HERC2: variants seen among roughly 807,000 people sequenced by gnomAD.
HERC2 encodes the protein E3 ubiquitin-protein ligase HERC2.
Under a neutral mutation model 537.7 loss-of-function variants are expected in HERC2, and 102 were observed. The observed-to-expected ratio is 0.19, with a 90% confidence interval of 0.16 to 0.22. HERC2 has a LOEUF of 0.22. Ranked by LOEUF, HERC2 falls within the 10% of genes least tolerant of loss-of-function variation. The probability of loss-of-function intolerance (pLI) is 1.00; values close to 1 mark genes in which losing one functional copy is unlikely to be tolerated. For missense variants in HERC2, 4,236 were observed against 6,198.2 expected (o/e 0.68, Z 10.63); for synonymous variants, 2,224 against 2,466.2 (o/e 0.90, Z 2.91).
chr15:28,135,978 C>T (rs1890593705), intron 78 of HERC2, among the ~76,000 whole-genome samples: 2 of 152,040 alleles, frequency 1.3e-5, no homozygotes, highest in Admixed American at 1.3e-4. Context: ...ATACCAACTA[C>T]AATTAACACC....
intron 2 of HERC2, among the ~76,000 whole-genome samples, chr15:28,308,539 A>C (rs536668846): frequency 2.0e-5 from 3 of 152,222 alleles, no homozygotes; most frequent in South Asian, 2.1e-4. Context: ...GAGGCCTTTT[A>C]TTTCTTTCTC....
In HERC2 at chr15:28,219,831, CAT is replaced by C. The variant is rs368036371; in HGVS notation, c.5845+619_5845+620del. ...CCAAACCCAGCCATGTGAAGCTTCA[CAT>C]GTCTTTTAGGAACAGCTAAGAAATG... On this transcript the variant is annotated intron_variant, in intron 37 of 92. Coordinates refer to ENST00000261609, the MANE Select transcript of HERC2 (RefSeq NM_004667.6). 3.9e-3 allele frequency among the ~76,000 whole-genome samples: 601 copies of C among 152,336 alleles called. 6 individuals carry two copies. Among genetic ancestry groups the C allele is most frequent in the African/African-American group, 0.013 (537 of 41,568 alleles).
chr15:28,182,376 C>A (rs764470217), intron 57 of HERC2, 25 bp downstream of exon 57: 3 of 1,527,536 alleles, frequency 2.0e-6, no homozygotes, highest in Admixed American at 1.7e-5. Context: ...CCCCACCCTG[C>A]TGGGTCCCAG....
At chr15:28,133,824 A>G (rs185515154) in intron 79 of HERC2, among the ~76,000 whole-genome samples, 1 of 152,244 alleles carries the variant, frequency 6.6e-6, no homozygotes, top group Admixed American at 6.5e-5. Flanking sequence ...TGGATTCCCT[A>G]TTCTGCTCCA....
At chr15:28,175,913 AC>A (rs1895245068) in intron 63 of HERC2, among the ~76,000 whole-genome samples, 2 of 152,178 alleles carry the variant, frequency 1.3e-5, no homozygotes, top group Non-Finnish European at 2.9e-5. Flanking sequence ...ATATAAAGAG[AC>A]TGAAAATAAG....
chr15:28,132,181 G>A lies in HERC2; in HGVS notation c.12489C>T (p.Asp4163=), dbSNP rs752941725. The A allele has an allele frequency of 4.4e-5, 71 of 1,613,844 alleles. 1 individual carries two copies. Among genetic ancestry groups the A allele is most frequent in the Middle Eastern group, 3.3e-4 (2 of 6,084 alleles). Residue 4163 remains aspartate, a synonymous_variant, in exon 81 of 93, where the codon GAC becomes GAT. Coordinates refer to ENST00000261609, the MANE Select transcript of HERC2 (RefSeq NM_004667.6). ...CGTCCCCCCAGGACCAGACAGTGTCGTCATCTGTGAGGCAGAGGGTCTGGG... is the reference window on the plus strand; with the variant it reads ...CGTCCCCCCAGGACCAGACAGTGTCATCATCTGTGAGGCAGAGGGTCTGGG... ...GDAQTLCLTD[D]DTVWSWGDGD...
chr15:28,228,358 G>C lies in HERC2; in HGVS notation c.5324C>G (p.Pro1775Arg), dbSNP rs144395500. The change falls in exon 35 of 93, where the codon CCG (proline) becomes CGG (arginine). Residue 1775 changes from proline (P) to arginine (R), a missense_variant. Physicochemically the swap from Pro to Arg is moderately radical, Grantham distance 103 (BLOSUM62 -2). This residue lies in a region of HERC2 where 343 missense variants were observed against 417.2 expected (regional missense o/e 0.82). Transcript: ENST00000261609. ...GGCTTGCGGGATGGTCCCCAGGCTC[G>C]GTCCTGACGGGTTCTCATTGGTGAT... ...QTITNENPSG[P>R]SLGTIPQARF... 4 of 1,612,078 alleles carry C rather than the reference G, an allele frequency of 2.5e-6. No homozygotes were observed. Among genetic ancestry groups the C allele is most frequent in the South Asian group, 2.2e-5 (2 of 90,990 alleles).
chr15:28,153,867 G>A (rs1892713390), intron 69 of HERC2, among the ~76,000 whole-genome samples: 1 of 152,098 alleles, frequency 6.6e-6, no homozygotes, highest in Non-Finnish European at 1.5e-5. Flanking sequence ...GAAGGCAACG[G>A]AGCCCGGTGG....
chr15:28,222,816 G>T lies in HERC2; in HGVS notation c.5465-601C>A, dbSNP rs527964692. Among the ~76,000 whole-genome samples the T allele has an allele frequency of 4.6e-5, 7 of 152,250 alleles. No individual in the cohort carries two copies. The South Asian group carries it at 1.2e-3, about 27-fold the overall frequency. On this transcript the variant is annotated intron_variant, in intron 35 of 92. Transcript: ENST00000261609. ...TGGAACTTCGTATGCGCCAGGAAGG[G>T]GGTGCCCGTGTGATCAGCCCTAATG...
At chr15:28,244,636 C>G (rs953207445) in intron 23 of HERC2, among the ~76,000 whole-genome samples, 1 of 152,156 alleles carries the variant, frequency 6.6e-6, no homozygotes, top group African/African-American at 2.4e-5. Flanking sequence ...AGCTGCTGAT[C>G]TGATCAAATG....
At chr15:28,212,180 T>C (rs1006094244) in intron 43 of HERC2, among the ~76,000 whole-genome samples, 1 of 152,196 alleles carries the variant, frequency 6.6e-6, no homozygotes, top group Non-Finnish European at 1.5e-5. Context: ...CAGACTTCTC[T>C]TCCGGGATAA....
At chr15:28,161,997 G>A (rs181962501) in intron 69 of HERC2, among the ~76,000 whole-genome samples, 29 of 152,206 alleles carry the variant, frequency 1.9e-4, no homozygotes, top group South Asian at 1.5e-3. Flanking sequence ...ATAAATCCCA[G>A]GTGGCTAAAA....
Position 28,301,752 on chromosome 15 carries a change from T to C in HERC2, c.73-2236A>G, listed in dbSNP as rs1171140750. On this transcript the variant is annotated intron_variant, in intron 2 of 92. Coordinates refer to ENST00000261609, the MANE Select transcript of HERC2 (RefSeq NM_004667.6). ...ATGTATGTGTATATATATATATATA[T>C]ATATATATATATATATATATATATA... Among the ~76,000 whole-genome samples the C allele has an allele frequency of 2.9e-4, 31 of 106,986 alleles. 1 individual carries two copies. The highest frequency in any genetic ancestry group is 1.3e-3 in the African/African-American group (28 of 21,892). 70.2% of individuals were successfully genotyped at this position (106,986 alleles called of 152,430 possible).
chr15:28,317,844 C>T (rs1418113846), intron 2 of HERC2, among the ~76,000 whole-genome samples: 3 of 152,170 alleles, frequency 2.0e-5, no homozygotes, highest in South Asian at 4.2e-4. Flanking sequence ...GGGCAGTATG[C>T]GCAAATATAC....
Position 28,132,767 on chromosome 15 carries a change from A to C in HERC2, c.12294T>G (p.Ala4098=). The C allele has an allele frequency of 6.2e-7, 1 of 1,608,306 alleles. No homozygotes were observed. The highest frequency in any genetic ancestry group is 8.5e-7 in the Non-Finnish European group (1 of 1,177,546). ...LRGIEVVDVA[A]GGAHSACVTA... is the part of the protein sequence containing the mutation. ...TGACACAGGCGCTGTGGGCTCCGCC[A>C]GCAGCAACATCGACCACTTCAATTC... Residue 4098 remains alanine, a synonymous_variant, in exon 80 of 93, where the codon GCT becomes GCG. Transcript: ENST00000261609.
At chr15:28,189,243 G>C (rs1312230978) in intron 55 of HERC2, among the ~76,000 whole-genome samples, 1 of 152,128 alleles carries the variant, frequency 6.6e-6, no homozygotes, top group African/African-American at 2.4e-5. Flanking sequence ...GCAATGCTTC[G>C]TATTTCTCAT....
Position 28,114,749 on chromosome 15 carries a change from G to A in HERC2, c.13776C>T (p.Thr4592=). The change falls in exon 90 of 93, where the codon ACC becomes ACT. Residue 4592 remains threonine (T), a synonymous_variant. Coordinates refer to ENST00000261609, the MANE Select transcript of HERC2 (RefSeq NM_004667.6). ...GGCTCATGGCTTCAAACTCCTCTGA[G>A]GTGGCTTCATTGTCTCGGATGTACA... is the stretch of plus-strand genomic sequence containing the variant. The part of the protein sequence containing the change: ...GLMYIRDNEA[T]SEEFEAMSLP... The A allele has an allele frequency of 5.6e-6, 9 of 1,614,078 alleles. No homozygotes were observed. The highest frequency in any genetic ancestry group is 4.2e-6 in the Non-Finnish European group (5 of 1,180,016).
At chr15:28,308,339 ATTTC>A (rs1208222236) in intron 2 of HERC2, among the ~76,000 whole-genome samples, 4 of 152,028 alleles carry the variant, frequency 2.6e-5, no homozygotes, top group African/African-American at 9.7e-5. Context: ...TACTTTTCTA[ATTTC>A]TTTTTCATAT....
chr15:28,300,064 A>AAAAAAG (rs2076579423), intron 2 of HERC2, among the ~76,000 whole-genome samples: 1 of 151,132 alleles, frequency 6.6e-6, no homozygotes, highest in Non-Finnish European at 1.5e-5. Context: ...AAAAAAAAAA[A>AAAAAAG]AAAAGAAAAG....
Sources: allele counts gnomAD v4.1 joint callset (sites outside exome capture counted in the v4.1 genomes callset), GRCh38; gene constraint gnomAD v4.1.1; regional missense constraint gnomAD v4.1.1; transcripts MANE v1.5; gene names NCBI Gene and HGNC (gene_info 2026-07-23, HGNC 2026-07-21).